Variants in ROS1 observed in about 807,000 individuals in gnomAD.
ROS1 encodes ROS proto-oncogene 1, receptor tyrosine kinase.
Under a neutral mutation model 273.5 loss-of-function variants are expected in ROS1, and 263 were observed. That is an observed-to-expected ratio of 0.96 (90% CI 0.87 to 1.06). The LOEUF is 1.06. Among genes scored for constraint, ROS1 ranks in the 50% least tolerant of loss-of-function variants. The pLI is 0.00. For synonymous variants in ROS1, 1,008 were observed against 954.1 expected (o/e 1.06, Z -1.04); for missense variants, 2,833 against 2,751.1 (o/e 1.03, Z -0.67).
intron 23 of ROS1, 43 bp downstream of exon 23, chr6:117,360,299 C>CACACACA: frequency 6.9e-7 from 1 of 1,455,518 alleles, no homozygotes; most frequent in Non-Finnish European, 9.6e-7. Context: ...CACACACACA[C>CACACACA]GCCTCTAAAT....
At chr6:117,321,914 T>C (rs1036550876) in intron 35 of ROS1, among the ~76,000 whole-genome samples, 27 of 150,920 alleles carry the variant, frequency 1.8e-4, no homozygotes, top group African/African-American at 5.8e-4. Flanking sequence ...AGAAAAAGTA[T>C]TGGAACGAAG....
At chr6:117,399,303 A>T (rs541570050) in intron 7 of ROS1, among the ~76,000 whole-genome samples, 1 of 152,358 alleles carries the variant, frequency 6.6e-6, no homozygotes, top group Admixed American at 6.5e-5. Flanking sequence ...GTTGGATAAC[A>T]TATGGCATTG....
At chr6:117,303,418 A>G (rs1465127750) in intron 42 of ROS1, among the ~76,000 whole-genome samples, 3 of 152,230 alleles carry the variant, frequency 2.0e-5, no homozygotes, top group African/African-American at 7.2e-5. Context: ...AGAACTTTGT[A>G]AGAAAATAAG....
Position 117,416,273 on chromosome 6 carries a change from GT to G in ROS1, c.212del (p.Asn71ThrfsTer4). On this transcript the variant is annotated frameshift_variant, in exon 3 of 44. Transcript: ENST00000368507. LOFTEE classifies it high-confidence loss of function. ...TAATACTTACACACTTTAAAGCACAGTTTTTCTGATCTACAGAGTTCCAAAA... is the reference window on the plus strand; with the variant it reads ...TAATACTTACACACTTTAAAGCACAGTTTTCTGATCTACAGAGTTCCAAAA... ...CHFWNSVDQK[N>X]CALKCNDTYA... is the part of the protein sequence containing the mutation. 1 of 1,594,082 alleles carries G rather than the reference GT, an allele frequency of 6.3e-7. No homozygotes were observed. The highest frequency in any genetic ancestry group is 8.6e-7 in the Non-Finnish European group (1 of 1,161,954).
At chr6:117,337,004 T>A (rs891281496) in intron 32 of ROS1, among the ~76,000 whole-genome samples, 168 bp downstream of exon 32, 1 of 152,146 alleles carries the variant, frequency 6.6e-6, no homozygotes, top group African/African-American at 2.4e-5. Context: ...ATTTCATTAC[T>A]GCCTGCAAGG....
intron 27 of ROS1, among the ~76,000 whole-genome samples, chr6:117,346,385 T>C (rs1778378230): frequency 6.6e-6 from 1 of 151,926 alleles, no homozygotes; most frequent in Admixed American, 6.6e-5. Context: ...ACCTAGAAAC[T>C]AGCAACATAA....
Position 117,365,428 on chromosome 6 carries a change from C to T in ROS1, c.2958+153G>A, listed in dbSNP as rs140709685. ...AGTCAGAGACTGGCTGCAAACAAGTCTTCTGGGGAATAATCTTAATGACCA... is the reference window on the plus strand; with the variant it reads ...AGTCAGAGACTGGCTGCAAACAAGTTTTCTGGGGAATAATCTTAATGACCA... On this transcript the variant is annotated intron_variant, in intron 20 of 43. Coordinates refer to ENST00000368507, the MANE Select transcript of ROS1 (RefSeq NM_001378902.1). Among the ~76,000 whole-genome samples, 386 of 152,264 alleles carry T rather than the reference C, an allele frequency of 2.5e-3. 2 individuals carry two copies. The highest frequency in any genetic ancestry group is 9.0e-3 in the African/African-American group (375 of 41,538).
intron 7 of ROS1, 68 bp downstream of exon 7, chr6:117,403,071 A>C: frequency 1.3e-6 from 2 of 1,546,296 alleles, no homozygotes; most frequent in Non-Finnish European, 1.8e-6. Context: ...TCATTGTTTA[A>C]AATAAAAACA....
At chr6:117,420,277 A>C (rs1002974180) in intron 1 of ROS1, among the ~76,000 whole-genome samples, 8 of 151,824 alleles carry the variant, frequency 5.3e-5, no homozygotes, top group African/African-American at 1.9e-4. Context: ...CCTTAGCTCC[A>C]ACTACGCCAA....
At chr6:117,356,000 G>A (rs1320743759) in intron 26 of ROS1, among the ~76,000 whole-genome samples, 1 of 152,110 alleles carries the variant, frequency 6.6e-6, no homozygotes, top group Non-Finnish European at 1.5e-5. Context: ...AGTATATGGG[G>A]TATTTAGAGT....
intron 31 of ROS1, among the ~76,000 whole-genome samples, chr6:117,337,717 G>A (rs1378453595): frequency 6.6e-6 from 1 of 152,050 alleles, no homozygotes; most frequent in Non-Finnish European, 1.5e-5. Flanking sequence ...CAAAACAATG[G>A]TAATTTCAAA....
intron 18 of ROS1, among the ~76,000 whole-genome samples, chr6:117,366,811 T>C (rs1490389522): frequency 6.6e-6 from 1 of 152,140 alleles, no homozygotes; most frequent in East Asian, 1.9e-4. Context: ...CTGTGCTCTC[T>C]GGGGGCTTTT....
In ROS1 at chr6:117,337,357, C is replaced by A. The variant is rs777865809; in HGVS notation, c.5062-17G>T. On this transcript the variant is annotated splice_polypyrimidine_tract_variant and intron_variant, in intron 31 of 43. Coordinates refer to ENST00000368507, the MANE Select transcript of ROS1 (RefSeq NM_001378902.1). Reference sequence around the variant, plus strand: ...GTATTTCCACTAGAAAAAGAAGTCTCGATTAATATTTTTGTTTCTCTAAGA... The same window carrying A: ...GTATTTCCACTAGAAAAAGAAGTCTAGATTAATATTTTTGTTTCTCTAAGA... 3 of 1,571,970 alleles carry A rather than the reference C, an allele frequency of 1.9e-6. No homozygotes were observed. The highest frequency in any genetic ancestry group is 2.6e-6 in the Non-Finnish European group (3 of 1,162,070).
chr6:117,299,197 C>T (rs1378383031), intron 43 of ROS1, among the ~76,000 whole-genome samples: 1 of 152,204 alleles, frequency 6.6e-6, no homozygotes. Flanking sequence ...CAATCTGTCG[C>T]TTGGCAGTTT....
intron 13 of ROS1, among the ~76,000 whole-genome samples, chr6:117,388,707 T>G (rs1772798655): frequency 6.6e-6 from 1 of 152,232 alleles, no homozygotes; most frequent in South Asian, 2.1e-4. Flanking sequence ...TATCTGGTCT[T>G]TCCTTTACAG....
intron 42 of ROS1, among the ~76,000 whole-genome samples, chr6:117,303,515 C>G (rs1315703129): frequency 6.6e-6 from 1 of 152,090 alleles, no homozygotes; most frequent in Non-Finnish European, 1.5e-5. Context: ...TTGGAAAGAG[C>G]TTGGCACATT....
intron 18 of ROS1, among the ~76,000 whole-genome samples, chr6:117,370,407 T>G (rs1214260356): frequency 1.3e-5 from 2 of 152,176 alleles, no homozygotes; most frequent in African/African-American, 2.4e-5. Context: ...AATGTGATAT[T>G]AGGAAAATGT....
At chr6:117,362,502 G>A in intron 22 of ROS1, 101 bp downstream of exon 22, 1 of 1,060,598 alleles carries the variant, frequency 9.4e-7, no homozygotes, top group East Asian at 2.5e-5. Flanking sequence ...ATCTAGGTAT[G>A]TGTGCCATTT....
At chr6:117,353,289 TA>T (rs953277644) in intron 26 of ROS1, 123 bp from the exon 27 acceptor site, 11 of 664,894 alleles carry the variant, frequency 1.7e-5, no homozygotes, top group South Asian at 1.5e-4. Context: ...ATTTCAACAT[TA>T]AAAAATACCT....
Sources: gnomAD v4.1 joint callset for allele counts (sites outside exome capture counted in the v4.1 genomes callset) on GRCh38, gnomAD v4.1.1 for gene constraint, MANE v1.5 for transcripts, NCBI Gene and HGNC (gene_info 2026-07-23, HGNC 2026-07-21) for gene names.